FBXW12: variants seen among roughly 807,000 people sequenced by gnomAD.
FBXW12 encodes F-box and WD repeat domain containing 12.
FBXW12 carries 43 observed loss-of-function variants against 55.3 expected under a neutral mutation model. That is an observed-to-expected ratio of 0.78 (90% confidence interval 0.61 to 1.00). The LOEUF (loss-of-function observed/expected upper bound fraction) is 1.00, where lower values mean the gene tolerates loss of function less well. Among genes scored for constraint, FBXW12 ranks in the 50% least tolerant of loss-of-function variants. The probability of loss-of-function intolerance (pLI) is 0.00; values close to 1 mark genes in which losing one functional copy is unlikely to be tolerated. For missense variants in FBXW12, 524 were observed against 560.5 expected (o/e 0.93, Z 0.66); for synonymous variants, 184 against 203.8 (o/e 0.90, Z 0.83).
intron 10 of FBXW12, among the ~76,000 whole-genome samples, chr3:48,388,825 A>G (rs1205378758): frequency 6.6e-6 from 1 of 152,234 alleles, no homozygotes; most frequent in East Asian, 1.9e-4. Flanking sequence ...AATCGGGCTA[A>G]TTAACTTATC....
At chr3:48,387,785 G>A (rs1331038346) in intron 10 of FBXW12, among the ~76,000 whole-genome samples, 1 of 152,114 alleles carries the variant, frequency 6.6e-6, no homozygotes, top group Non-Finnish European at 1.5e-5. Context: ...GACTGGTCTT[G>A]AATTCCCAGG....
Position 48,372,634 on chromosome 3 carries a change from C to T in FBXW12, c.-84-50C>T. ...GTCAGCCCGGGAGTCTGCACACCTG[C>T]AGCTTGTTTCTACCGCACACAGATG... On this transcript the variant is annotated intron_variant, in intron 1 of 10. Transcript: ENST00000296438. 3 of 1,570,796 alleles carry T rather than the reference C, an allele frequency of 1.9e-6. No homozygotes were observed. In the South Asian group the frequency reaches 3.6e-5, roughly 19 times the overall value.
At chr3:48,383,729 T>C (rs1452851555) in intron 10 of FBXW12, among the ~76,000 whole-genome samples, 2 of 152,328 alleles carry the variant, frequency 1.3e-5, no homozygotes, top group African/African-American at 4.8e-5. Flanking sequence ...CTGATGTATT[T>C]TGAGTTAAAT....
intron 10 of FBXW12, among the ~76,000 whole-genome samples, chr3:48,391,100 T>G: frequency 1.0e-5 from 1 of 100,272 alleles, no homozygotes; most frequent in African/African-American, 4.3e-5. Flanking sequence ...AGAGACCCTG[T>G]CTCTACAAAA....
At chr3:48,391,555 C>T (rs1212183591) in intron 10 of FBXW12, among the ~76,000 whole-genome samples, 3 of 152,028 alleles carry the variant, frequency 2.0e-5, no homozygotes, top group African/African-American at 7.3e-5. Context: ...AGTAGGCATC[C>T]TTGTCTTGTT....
intron 10 of FBXW12, among the ~76,000 whole-genome samples, chr3:48,393,548 G>T (rs2036961167): frequency 1.3e-5 from 2 of 152,130 alleles, no homozygotes; most frequent in Non-Finnish European, 2.9e-5. Context: ...TCATACAGTG[G>T]GGAGGGAAGC....
intron 5 of FBXW12, among the ~76,000 whole-genome samples, chr3:48,376,182 A>G (rs918856174): frequency 6.6e-5 from 10 of 151,750 alleles, no homozygotes; most frequent in Non-Finnish European, 1.0e-4. Flanking sequence ...GGGTTTCGCC[A>G]TGTTGGCCAG....
Position 48,375,340 on chromosome 3 carries a change from A to G in FBXW12, c.287-14A>G. 2 of 1,500,834 alleles carry G rather than the reference A, an allele frequency of 1.3e-6. No individual in the cohort carries two copies. Among genetic ancestry groups the G allele is most frequent in the Non-Finnish European group, 1.9e-6 (2 of 1,078,714 alleles). The allele number at this position is 1,500,834 out of a possible 1,614,324, so 93.0% of individuals were successfully genotyped here. ...TAACTATCTGGTGGCCAAGTCTTCT[A>G]TGTTTCCTTCTAGCATTTGAGACGG... On this transcript the variant is annotated splice_polypyrimidine_tract_variant and intron_variant, in intron 4 of 10. Coordinates refer to ENST00000296438, the MANE Select transcript of FBXW12 (RefSeq NM_207102.2).
rs113920987 is a variant in FBXW12, at chr3:48,393,327, C to T, written c.1296-1233C>T. On this transcript the variant is annotated intron_variant, in intron 10 of 10. Coordinates refer to ENST00000296438, the MANE Select transcript of FBXW12 (RefSeq NM_207102.2). Reference sequence around the variant, plus strand: ...ACCATTTCTACTCACGTCAGTGCACCGGGGGAGATAGTCGACAGGACTCCA... The same window carrying T: ...ACCATTTCTACTCACGTCAGTGCACTGGGGGAGATAGTCGACAGGACTCCA... Among the ~76,000 whole-genome samples the T allele has an allele frequency of 5.4e-3, 815 of 152,156 alleles. 7 individuals carry two copies. Among genetic ancestry groups the T allele is most frequent in the African/African-American group, 0.018 (753 of 41,512 alleles).
intron 10 of FBXW12, among the ~76,000 whole-genome samples, chr3:48,384,973 T>TA (rs531805582): frequency 1.2e-4 from 18 of 152,276 alleles, no homozygotes; most frequent in Middle Eastern, 3.4e-3. Context: ...ACTTTTGTGG[T>TA]AAAAAATACT....
intron 10 of FBXW12, 124 bp downstream of exon 10, chr3:48,382,209 C>T (rs553461106): frequency 2.3e-5 from 24 of 1,063,906 alleles, no homozygotes; most frequent in African/African-American, 1.1e-4. Flanking sequence ...CTCCGACTCC[C>T]GGGTTCTAGC....
rs1386131515 is a variant in FBXW12, at chr3:48,384,735, CAA to C, written c.1295+2652_1295+2653del. On this transcript the variant is annotated intron_variant, in intron 10 of 10. Coordinates refer to ENST00000296438, the MANE Select transcript of FBXW12 (RefSeq NM_207102.2). ...GTCATGAATAGATGTTGAATTTTCT[CAA>C]AGACATTTTCTGTATAAATTGATAT... Among the ~76,000 whole-genome samples the C allele has an allele frequency of 5.3e-5, 8 of 152,122 alleles. No individual in the cohort carries two copies. The East Asian group carries it at 1.2e-3, about 22-fold the overall frequency.
At chr3:48,374,360 C>T (rs902434915) in intron 4 of FBXW12, among the ~76,000 whole-genome samples, 18 of 141,790 alleles carry the variant, frequency 1.3e-4, no homozygotes, top group African/African-American at 4.7e-4. Context: ...TTGAGTCTTG[C>T]TCTGTCATCT....
chr3:48,389,385 T>C (rs748288876), intron 10 of FBXW12, among the ~76,000 whole-genome samples: 1 of 152,186 alleles, frequency 6.6e-6, no homozygotes. Flanking sequence ...TTTTTTGTTT[T>C]GTTTGGTTTT....
intron 10 of FBXW12, among the ~76,000 whole-genome samples, chr3:48,383,831 G>A (rs1003054182): frequency 5.9e-5 from 9 of 152,088 alleles, no homozygotes; most frequent in Middle Eastern, 3.2e-3. Flanking sequence ...TCCTTACTCC[G>A]TTGAATTGCC....
intron 5 of FBXW12, among the ~76,000 whole-genome samples, chr3:48,377,733 A>G (rs1342076595): frequency 1.3e-5 from 2 of 152,240 alleles, no homozygotes; most frequent in Admixed American, 6.5e-5. Context: ...AATAGAGCAC[A>G]TGCAAAGGGG....
At position 48,379,506 on chromosome 3, in the gene FBXW12, C is replaced by T. The variant is rs189337881; in HGVS notation, c.722C>T (p.Pro241Leu). 6.2e-7 allele frequency: 1 copy of T among 1,614,090 alleles called. No homozygotes were observed. The highest frequency in any genetic ancestry group is 1.7e-5 in the Admixed American group (1 of 60,030). The change falls in exon 7 of 11, where the codon CCT (proline) becomes CTT (leucine). Residue 241 changes from proline (P) to leucine (L), a missense_variant. Transcript: ENST00000296438. ...QYGIVLLHCS[P>L]DKKWVFACGT... ...GGTATTGTACTTCTACACTGCTCTC[C>T]TGACAAGAAATGGGTATTTGCATGT...
intron 7 of FBXW12, chr3:48,379,932 C>CCTG: frequency 4.8e-6 from 1 of 209,172 alleles, no homozygotes; most frequent in South Asian, 8.4e-5. Context: ...GTGTGCTATG[C>CCTG]TGATAGGGTG....
At chr3:48,382,392 G>A (rs572458277) in intron 10 of FBXW12, among the ~76,000 whole-genome samples, 27 of 152,282 alleles carry the variant, frequency 1.8e-4, no homozygotes, top group Non-Finnish European at 3.1e-4. Context: ...TGGATTACAG[G>A]CGTGAGCCAC....
Sources: gnomAD v4.1 joint callset for allele counts (sites outside exome capture counted in the v4.1 genomes callset) on GRCh38, gnomAD v4.1.1 for gene constraint, MANE v1.5 for transcripts, NCBI Gene and HGNC (gene_info 2026-07-23, HGNC 2026-07-21) for gene names.